The following USP25 variants were observed in gnomAD, a reference collection of about 807,000 sequenced individuals.
The protein encoded by USP25 is ubiquitin carboxyl-terminal hydrolase 25.
Under a neutral mutation model 158.5 loss-of-function variants are expected in USP25, and 85 were observed. That is an observed-to-expected ratio of 0.54 (90% CI 0.45 to 0.64). The LOEUF is 0.64. USP25 is among the 30% of genes least tolerant of loss of function. The probability of loss-of-function intolerance (pLI) is 0.00; values close to 1 mark genes in which losing one functional copy is unlikely to be tolerated. For synonymous variants in USP25, 464 were observed against 460.4 expected (o/e 1.01, Z -0.10); for missense variants, 1,242 against 1,327.3 (o/e 0.94, Z 1.00).
Position 15,843,160 on chromosome 21 carries a change from T to C in USP25, c.2337+620T>C, listed in dbSNP as rs917776858. Among the ~76,000 whole-genome samples the C allele has an allele frequency of 1.3e-5, 2 of 152,190 alleles. No homozygotes were observed. Among genetic ancestry groups the C allele is most frequent in the African/African-American group, 4.8e-5 (2 of 41,446 alleles). The stretch of plus-strand genomic sequence containing the variant: ...AAATTGAGCATGTTTGGTGTTATAC[T>C]GTGTTATCAGTGAATATGGCATTCT... On this transcript the variant is annotated intron_variant, in intron 18 of 25. Transcript: ENST00000400183. This position sits in a 1 kb window ranked among gnomAD's most constrained non-coding sequence, Gnocchi z 4.0.
intron 19 of USP25, among the ~76,000 whole-genome samples, chr21:15,848,786 A>G (rs2038749432): frequency 6.6e-6 from 1 of 152,110 alleles, no homozygotes; most frequent in Non-Finnish European, 1.5e-5. Context: ...AACTGGTCAG[A>G]GAGTTTTCTC....
At chr21:15,744,319 T>A (rs575685289) in intron 1 of USP25, 1 of 151,160 alleles carries the variant, frequency 6.6e-6, no homozygotes, top group South Asian at 2.1e-4. Flanking sequence ...AGGGTCTGCG[T>A]TTTTTTGTTG....
intron 1 of USP25, among the ~76,000 whole-genome samples, chr21:15,732,205 CATT>C (rs1568735748): frequency 6.6e-6 from 1 of 152,070 alleles, no homozygotes; most frequent in Admixed American, 6.5e-5. Flanking sequence ...AAAATATTAT[CATT>C]ATGATGCTAC....
In USP25 at chr21:15,742,058, C is replaced by T. The variant is rs1393831380; in HGVS notation, c.45+11620C>T. ...AGTGCAGTTGCAGGGGTGGGATGAA[C>T]TGTGGTGAGGTAAGTAAATTGGACA... On this transcript the variant is annotated intron_variant, in intron 1 of 25. Coordinates refer to ENST00000400183, the MANE Select transcript of USP25 (RefSeq NM_001283041.3). 2.0e-5 allele frequency among the ~76,000 whole-genome samples: 3 copies of T among 150,848 alleles called. No individual in the cohort carries two copies. The South Asian group carries it at 6.3e-4, about 31-fold the overall frequency.
intron 17 of USP25, among the ~76,000 whole-genome samples, chr21:15,838,535 G>A (rs1486720760): frequency 6.6e-6 from 1 of 151,990 alleles, no homozygotes. Context: ...TCGGAATGGG[G>A]CCCAGGAATC....
intron 1 of USP25, among the ~76,000 whole-genome samples, chr21:15,751,404 A>T (rs189691407): frequency 1.3e-3 from 205 of 152,340 alleles, no homozygotes; most frequent in Middle Eastern, 3.4e-3. Context: ...GCTAGGAATT[A>T]TATAGTATTC....
At chr21:15,866,842 A>T (rs1256930034) in intron 22 of USP25, among the ~76,000 whole-genome samples, 2 of 152,162 alleles carry the variant, frequency 1.3e-5, no homozygotes, top group Non-Finnish European at 2.9e-5. Flanking sequence ...TAAGGCATAG[A>T]GCAGTGAAGT....
At chr21:15,742,278 A>C (rs1253168670) in intron 1 of USP25, among the ~76,000 whole-genome samples, 1 of 152,132 alleles carries the variant, frequency 6.6e-6, no homozygotes, top group Non-Finnish European at 1.5e-5. Context: ...TTGTTTGCAG[A>C]GCTGGGAGCT....
intron 5 of USP25, among the ~76,000 whole-genome samples, chr21:15,797,969 G>A (rs1270849813): frequency 2.6e-5 from 4 of 151,002 alleles, no homozygotes; most frequent in Admixed American, 2.6e-4. Flanking sequence ...GCCATTATAG[G>A]CATGCAAGGA....
At chr21:15,802,020 G>GTAA (rs1442415976) in intron 6 of USP25, among the ~76,000 whole-genome samples, 1 of 151,482 alleles carries the variant, frequency 6.6e-6, no homozygotes, top group Non-Finnish European at 1.5e-5. Context: ...GATCCTTGAT[G>GTAA]TAATCATCCC....
chr21:15,801,589 A>C (rs1425460374), intron 6 of USP25, among the ~76,000 whole-genome samples: 1 of 151,584 alleles, frequency 6.6e-6, no homozygotes, highest in Non-Finnish European at 1.5e-5. Context: ...CAGCCACTGA[A>C]TGGTCCTATA....
intron 18 of USP25, among the ~76,000 whole-genome samples, chr21:15,845,311 T>C (rs1354044725): frequency 6.6e-6 from 1 of 152,124 alleles, no homozygotes; most frequent in Non-Finnish European, 1.5e-5. Flanking sequence ...TTTTTAACTC[T>C]TTTCAAGTTT....
At chr21:15,800,928 T>TA (rs1030390094) in intron 6 of USP25, among the ~76,000 whole-genome samples, 11 of 151,522 alleles carry the variant, frequency 7.3e-5, no homozygotes, top group Admixed American at 6.6e-4. Flanking sequence ...GTCAGGCTGA[T>TA]AAACAACCCA....
chr21:15,811,861 C>T (rs1600992069), intron 9 of USP25, among the ~76,000 whole-genome samples: 2 of 152,194 alleles, frequency 1.3e-5, no homozygotes, highest in South Asian at 4.1e-4. Flanking sequence ...AATTGTTTTT[C>T]TCACATCACC....
chr21:15,799,137 T>C (rs2036005964), intron 5 of USP25, among the ~76,000 whole-genome samples: 1 of 151,236 alleles, frequency 6.6e-6, no homozygotes, highest in Non-Finnish European at 1.5e-5. Context: ...TTCAGTATGA[T>C]GATAGTAAAT....
rs2040220415 is a variant in USP25 at position 15,879,676 on chromosome 21, A to G, written c.*1201A>G. ...ATTCATAAAAATTTCTTTATAAATG[A>G]TGTTTTGTGAACATAGTAAAATAGA... On this transcript the variant is annotated 3_prime_UTR_variant, in exon 26 of 26. Transcript: ENST00000400183. The G allele has an allele frequency of 6.6e-6, 1 of 152,576 alleles. No homozygotes were observed. Among genetic ancestry groups the G allele is most frequent in the African/African-American group, 2.4e-5 (1 of 41,454 alleles). The allele number at this position is 152,576 out of a possible 1,614,324, so 9.5% of individuals were successfully genotyped here. A position where few individuals can be genotyped will look rare whatever the true frequency, so the allele number is the denominator to read the frequency against.
At chr21:15,754,214 G>T (rs2033226473) in intron 1 of USP25, among the ~76,000 whole-genome samples, 7 of 152,156 alleles carry the variant, frequency 4.6e-5, no homozygotes, top group Admixed American at 4.6e-4. Flanking sequence ...TTTGGAGGTG[G>T]TGTGTCCTGA....
intron 4 of USP25, among the ~76,000 whole-genome samples, chr21:15,780,988 A>G (rs963516464): frequency 1.3e-5 from 2 of 152,230 alleles, no homozygotes; most frequent in Admixed American, 1.3e-4. Flanking sequence ...ATGTCAGATT[A>G]TAGATGATCT....
intron 6 of USP25, among the ~76,000 whole-genome samples, chr21:15,801,637 C>T (rs1376977255): frequency 1.3e-5 from 2 of 151,482 alleles, no homozygotes; most frequent in Non-Finnish European, 3.0e-5. Context: ...TTAAAAAAGG[C>T]GTGAGTGTAA....
Sources: gnomAD v4.1 joint callset for allele counts (sites outside exome capture counted in the v4.1 genomes callset) on GRCh38, gnomAD v4.1.1 for gene constraint, Gnocchi (gnomAD v3.1) non-coding constraint, MANE v1.5 for transcripts, NCBI Gene and HGNC (gene_info 2026-07-23, HGNC 2026-07-21) for gene names.